UNC13C: variants seen among roughly 807,000 people sequenced by gnomAD.
UNC13C encodes the protein unc-13 homolog C.
A neutral mutation model predicts 245.4 loss-of-function variants in UNC13C; 174 were observed. That is an observed-to-expected ratio of 0.71 (90% CI 0.63 to 0.80). The LOEUF (loss-of-function observed/expected upper bound fraction) is 0.80, where lower values mean the gene tolerates loss of function less well. Ranked by LOEUF, UNC13C falls within the 30% of genes least tolerant of loss-of-function variation. The pLI is 0.00. For missense variants in UNC13C, 2,829 were observed against 2,602.9 expected, an observed-to-expected ratio of 1.09 and a Z score of -1.89; for synonymous variants, 992 against 895.1, an observed-to-expected ratio of 1.11 and a Z score of -1.93.
At chr15:54,112,538 A>T (rs1377004293) in intron 2 of UNC13C, among the ~76,000 whole-genome samples, 2 of 152,182 alleles carry the variant, frequency 1.3e-5, no homozygotes, top group Non-Finnish European at 2.9e-5. Flanking sequence ...CATGGTTGAT[A>T]AAAGGAAAGA....
At chr15:54,110,273 G>A (rs1272202486) in intron 2 of UNC13C, among the ~76,000 whole-genome samples, 4 of 65,272 alleles carry the variant, frequency 6.1e-5, no homozygotes, top group East Asian at 5.1e-4. Context: ...AGAGTGAGAC[G>A]CTGCCTCAAA....
chr15:53,972,542 G>C, the UNC13C span: 1 of 152,160 alleles, frequency 6.6e-6, no homozygotes, highest in African/African-American at 2.4e-5. Flanking sequence ...ATGATTCTTG[G>C]TTATAACAAG....
At chr15:54,140,424 A>C (rs2031962243) in intron 2 of UNC13C, among the ~76,000 whole-genome samples, 1 of 152,246 alleles carries the variant, frequency 6.6e-6, no homozygotes, top group Non-Finnish European at 1.5e-5. Context: ...GAGATTAAAA[A>C]ACAGACTACC....
intron 1 of UNC13C, among the ~76,000 whole-genome samples, chr15:54,002,766 C>T (rs1353524897): frequency 6.6e-6 from 1 of 152,150 alleles, no homozygotes; most frequent in Non-Finnish European, 1.5e-5. Context: ...AAATTACAGA[C>T]ATTGAGTGTA....
intron 31 of UNC13C, among the ~76,000 whole-genome samples, chr15:54,623,332 T>C (rs1439320699): frequency 6.6e-6 from 1 of 152,110 alleles, no homozygotes; most frequent in African/African-American, 2.4e-5. Context: ...AAATTAGCCA[T>C]GATAGACTTA....
At chr15:53,870,078 G>C in the UNC13C span, among the ~76,000 whole-genome samples, 3 of 152,144 alleles carry the variant, frequency 2.0e-5, no homozygotes, top group Admixed American at 1.3e-4. Flanking sequence ...CCACCAGCCT[G>C]ACTGTACTCC....
intron 17 of UNC13C, among the ~76,000 whole-genome samples, chr15:54,358,027 A>G (rs1027974215): frequency 2.0e-5 from 3 of 152,088 alleles, no homozygotes; most frequent in African/African-American, 7.2e-5. Flanking sequence ...GAGTTTCTGC[A>G]TTTACTCAGT....
rs999994043 is a variant in UNC13C at position 54,012,942 on chromosome 15, C to T, written c.39C>T (p.Tyr13=). The change falls in exon 2 of 33, where the codon TAC becomes TAT. Residue 13 remains tyrosine (Y), a synonymous_variant. Transcript: ENST00000260323. The stretch of plus-strand genomic sequence containing the variant: ...TTTTCAAGAGCTTGATTTTACCTTA[C>T]ATTCATAAGCTTTGCAAAGGAATGT... The part of the protein sequence containing the change: ...ANFFKSLILP[Y]IHKLCKGMFT... 24 of 1,609,726 alleles carry T rather than the reference C, an allele frequency of 1.5e-5. No individual in the cohort carries two copies. The highest frequency in any genetic ancestry group is 2.0e-5 in the Non-Finnish European group (23 of 1,178,384).
intron 4 of UNC13C, among the ~76,000 whole-genome samples, chr15:54,167,613 A>T (rs2141277956): frequency 6.7e-6 from 1 of 148,762 alleles, no homozygotes; most frequent in Non-Finnish European, 1.5e-5. Context: ...AAAAAAAAAA[A>T]AAAAAAAAAA....
chr15:54,525,236 A>G (rs1038332916), intron 24 of UNC13C, among the ~76,000 whole-genome samples: 1 of 152,194 alleles, frequency 6.6e-6, no homozygotes, highest in African/African-American at 2.4e-5. Context: ...TTACGGAATT[A>G]TCATGTTCTG....
In UNC13C at chr15:54,223,362, A is replaced by G. The variant is rs78817790; in HGVS notation, c.3072-11668A>G. Among the ~76,000 whole-genome samples, 80 of 152,054 alleles carry G rather than the reference A, an allele frequency of 5.3e-4. No individual in the cohort carries two copies. In the East Asian group the frequency reaches 0.015, roughly 28 times the overall value. On this transcript the variant is annotated intron_variant, in intron 4 of 32. Coordinates refer to ENST00000260323, the MANE Select transcript of UNC13C (RefSeq NM_001080534.3). ...TATTGAAGAGGACTATCATTTCCCA[A>G]TGTGTTTTTTGGCACATTTGTTGAA...
chr15:54,375,879 A>G (rs564428991), intron 17 of UNC13C, among the ~76,000 whole-genome samples: 1 of 152,354 alleles, frequency 6.6e-6, no homozygotes, highest in East Asian at 1.9e-4. Flanking sequence ...CTGTGTGACA[A>G]TAAATGTATA....
intron 25 of UNC13C, among the ~76,000 whole-genome samples, chr15:54,532,505 G>A (rs1895794870): frequency 6.6e-6 from 1 of 152,132 alleles, no homozygotes; most frequent in Admixed American, 6.5e-5. Context: ...CCAAAAAAAG[G>A]AACAACATCA....
chr15:53,967,174 G>T, the UNC13C span, among the ~76,000 whole-genome samples: 2 of 151,888 alleles, frequency 1.3e-5, no homozygotes, highest in African/African-American at 2.4e-5. Context: ...TATGTTTTGT[G>T]AGCCTGTCTT....
At chr15:54,624,104 C>A in intron 32 of UNC13C, 150 bp downstream of exon 32, 1 of 956,920 alleles carries the variant, frequency 1.0e-6, no homozygotes, top group Non-Finnish European at 1.6e-6. Context: ...TGTTCAGTGC[C>A]TGCCATGTAT....
intron 4 of UNC13C, among the ~76,000 whole-genome samples, chr15:54,193,227 G>C (rs1236411476): frequency 6.6e-6 from 1 of 152,136 alleles, no homozygotes; most frequent in Non-Finnish European, 1.5e-5. Flanking sequence ...GTTCTGTTAA[G>C]AGTCGTTACA....
At chr15:54,552,752 A>G (rs1157632085) in intron 28 of UNC13C, among the ~76,000 whole-genome samples, 1 of 91,622 alleles carries the variant, frequency 1.1e-5, no homozygotes, top group African/African-American at 4.5e-5. Flanking sequence ...ATTATATAGT[A>G]CAATATATAA....
chr15:54,400,553 CTG>C, intron 18 of UNC13C, among the ~76,000 whole-genome samples: 1 of 152,202 alleles, frequency 6.6e-6, no homozygotes, highest in East Asian at 1.9e-4. Flanking sequence ...TCATAAGTGA[CTG>C]TGTGTATTTC....
At chr15:54,612,881 A>T (rs1900196083) in intron 30 of UNC13C, among the ~76,000 whole-genome samples, 1 of 151,950 alleles carries the variant, frequency 6.6e-6, no homozygotes, top group African/African-American at 2.4e-5. Flanking sequence ...AAGTTTTAAT[A>T]AGCTTTATTT....
Sources: gnomAD v4.1 joint callset for allele counts (sites outside exome capture counted in the v4.1 genomes callset) on GRCh38, gnomAD v4.1.1 for gene constraint, MANE v1.5 for transcripts, NCBI Gene and HGNC (gene_info 2026-07-23, HGNC 2026-07-21) for gene names.